The following CCDC186 variants were observed in gnomAD, a reference collection of about 807,000 sequenced individuals.
CCDC186 encodes coiled-coil domain containing 186, also known as coiled-coil domain-containing protein 186.
In CCDC186, 49 loss-of-function variants were observed where a neutral mutation model predicts 113.7. That is an observed-to-expected ratio of 0.43 (90% CI 0.34 to 0.55). The LOEUF is 0.55. CCDC186 is among the 20% of genes least tolerant of loss of function. CCDC186 has a pLI of 0.02. For synonymous variants in CCDC186, 355 were observed against 345.8 expected (o/e 1.03, Z -0.30); for missense variants, 890 against 1,011.1 (o/e 0.88, Z 1.62).
rs1177805840 is a variant in CCDC186 at position 114,122,340 on chromosome 10, A to G, written c.*2803T>C. On this transcript the variant is annotated 3_prime_UTR_variant, in exon 16 of 16. Transcript: ENST00000369287. ...AAAGTAAAAACAAAAAAACCCCATC[A>G]AAGTTCAAATTCATTCTTCTGCCCA... The G allele has an allele frequency of 3.3e-5, 5 of 152,226 alleles. No homozygotes were observed. Among genetic ancestry groups the G allele is most frequent in the African/African-American group, 1.2e-4 (5 of 41,452 alleles). 9.4% of individuals were successfully genotyped at this position (152,226 alleles called of 1,614,324 possible).
rs1471068637 is a variant in CCDC186 at position 114,174,046 on chromosome 10, A to G, written c.-93T>C. The G allele has an allele frequency of 2.1e-6, 1 of 471,894 alleles. No individual in the cohort carries two copies. Among genetic ancestry groups the G allele is most frequent in the Non-Finnish European group, 4.4e-6 (1 of 227,068 alleles). The allele number at this position is 471,894 out of a possible 1,614,324, so 29.2% of individuals were successfully genotyped here. On this transcript the variant is annotated 5_prime_UTR_variant, in exon 1 of 16. Transcript: ENST00000369287. ...TATCCAAGCCTCAGGCCACGCCCTAACAAGGCTGCTGGAGCTCTGGCTCAG... is the reference window on the plus strand; with the variant it reads ...TATCCAAGCCTCAGGCCACGCCCTAGCAAGGCTGCTGGAGCTCTGGCTCAG...
rs561775449 is a variant in CCDC186, at chr10:114,138,154, T to C, written c.1222-864A>G. Among the ~76,000 whole-genome samples the C allele has an allele frequency of 8.7e-3, 1,226 of 140,624 alleles. 19 individuals carry two copies. Among genetic ancestry groups the C allele is most frequent in the African/African-American group, 0.03 (1,145 of 38,600 alleles). The allele number at this position is 140,624 out of a possible 152,430, so 92.3% of individuals were successfully genotyped here. A position where few individuals can be genotyped will look rare whatever the true frequency, so the allele number is the denominator to read the frequency against. On this transcript the variant is annotated intron_variant, in intron 6 of 15. Transcript: ENST00000369287. ...ACTCGGGAGGCTGAGGCAGGAGAAT[T>C]GTTTGAACCCAGGAGGCAGCAGTTG...
At chr10:114,157,467 C>T (rs1029910346) in intron 3 of CCDC186, 87 bp downstream of exon 3, 1 of 1,275,028 alleles carries the variant, frequency 7.8e-7, no homozygotes. Flanking sequence ...GCTACGATTA[C>T]AGGCATGAGC....
intron 9 of CCDC186, 77 bp from the exon 10 acceptor site, chr10:114,135,132 T>A: frequency 7.4e-7 from 1 of 1,354,184 alleles, no homozygotes; most frequent in Non-Finnish European, 9.7e-7. Flanking sequence ...TGGTTACATA[T>A]GAATAATCTA....
intron 4 of CCDC186, among the ~76,000 whole-genome samples, chr10:114,148,166 T>C (rs945732571): frequency 2.6e-5 from 4 of 152,018 alleles, no homozygotes; most frequent in African/African-American, 9.7e-5. Context: ...GAGTCTTCAC[T>C]ATAGCAGGGA....
At position 114,157,363 on chromosome 10, in the gene CCDC186, T is replaced by C. The variant is rs1053032987; in HGVS notation, c.759+191A>G. Among the ~76,000 whole-genome samples, 5 of 150,814 alleles carry C rather than the reference T, an allele frequency of 3.3e-5. No homozygotes were observed. The East Asian group carries it at 7.8e-4, about 23-fold the overall frequency. On this transcript the variant is annotated intron_variant, in intron 3 of 15. Coordinates refer to ENST00000369287, the MANE Select transcript of CCDC186 (RefSeq NM_018017.4). ...CATATGCAGCTAATTTTCTATTTTTTTTTTTTTTTGTAGAGACAGGGTTTC... is the reference window on the plus strand; with the variant it reads ...CATATGCAGCTAATTTTCTATTTTTCTTTTTTTTTGTAGAGACAGGGTTTC...
At chr10:114,173,376 G>T in intron 1 of CCDC186, 1 of 312,782 alleles carries the variant, frequency 3.2e-6, no homozygotes, top group African/African-American at 2.2e-5. Context: ...ACACGTAGAA[G>T]GGTTTTTGTT....
intron 13 of CCDC186, 101 bp downstream of exon 13, chr10:114,129,790 A>C: frequency 9.9e-7 from 1 of 1,010,364 alleles, no homozygotes; most frequent in Non-Finnish European, 1.5e-6. Flanking sequence ...TCGTCCTCCC[A>C]AAGTGCTGGG....
At chr10:114,171,995 G>A (rs1156879831) in intron 1 of CCDC186, among the ~76,000 whole-genome samples, 1 of 152,072 alleles carries the variant, frequency 6.6e-6, no homozygotes, top group African/African-American at 2.4e-5. Flanking sequence ...AATTATCTAT[G>A]ATCTCACTGC....
At chr10:114,167,001 T>C (rs546798235) in intron 1 of CCDC186, among the ~76,000 whole-genome samples, 3 of 151,700 alleles carry the variant, frequency 2.0e-5, no homozygotes, top group Non-Finnish European at 4.4e-5. Context: ...GATAACTACT[T>C]AGCTTGCAAG....
chr10:114,143,396 G>A (rs538619508), intron 6 of CCDC186, among the ~76,000 whole-genome samples: 2 of 152,310 alleles, frequency 1.3e-5, no homozygotes, highest in South Asian at 4.1e-4. Flanking sequence ...TCAGGTAGTT[G>A]AGAATCATTA....
chr10:114,160,914 A>C (rs1325758396), intron 2 of CCDC186, among the ~76,000 whole-genome samples: 1 of 152,242 alleles, frequency 6.6e-6, no homozygotes, highest in African/African-American at 2.4e-5. Flanking sequence ...CATTTGTGTA[A>C]TGTCCTAATG....
chr10:114,170,746 T>C (rs1219608896), intron 1 of CCDC186, among the ~76,000 whole-genome samples: 3 of 152,140 alleles, frequency 2.0e-5, no homozygotes, highest in Non-Finnish European at 4.4e-5. Context: ...TGTGGGGGTA[T>C]GTTTAGCTTT....
At chr10:114,140,281 T>G (rs2031425202) in intron 6 of CCDC186, among the ~76,000 whole-genome samples, 1 of 152,164 alleles carries the variant, frequency 6.6e-6, no homozygotes, top group Non-Finnish European at 1.5e-5. Context: ...ATTGAGAAGG[T>G]GCTAGGTGAG....
At chr10:114,156,685 C>A (rs1248326590) in intron 3 of CCDC186, among the ~76,000 whole-genome samples, 2 of 152,074 alleles carry the variant, frequency 1.3e-5, no homozygotes, top group Non-Finnish European at 2.9e-5. Context: ...TGAGATTGTG[C>A]CACTGAATTC....
At chr10:114,154,304 C>T (rs1291069098) in intron 3 of CCDC186, among the ~76,000 whole-genome samples, 2 of 149,778 alleles carry the variant, frequency 1.3e-5, no homozygotes, top group East Asian at 3.9e-4. Context: ...AACTGACAAA[C>T]CTTTAGCTGG....
chr10:114,159,154 G>A (rs777184565), intron 2 of CCDC186, among the ~76,000 whole-genome samples: 3 of 152,140 alleles, frequency 2.0e-5, no homozygotes, highest in Non-Finnish European at 4.4e-5. Flanking sequence ...TGGAAAAAAG[G>A]CAAATATATG....
At position 114,131,231 on chromosome 10, in the gene CCDC186, C is replaced by A. The variant is rs775793063; in HGVS notation, c.2017G>T (p.Val673Leu). ...QTEVKALSTQ[V>L]EELKDELVTQ... is the part of the protein sequence containing the mutation. Reference sequence around the variant, plus strand: ...ACTAACTCATCTTTTAATTCTTCTACCTGGGTACTCAATGCTTTAACTTCT... The same window carrying A: ...ACTAACTCATCTTTTAATTCTTCTAACTGGGTACTCAATGCTTTAACTTCT... The change falls in exon 12 of 16, where the codon GTA (valine) becomes TTA (leucine). Residue 673 changes from valine (V) to leucine (L), a missense_variant. Val to Leu is a conservative substitution (Grantham distance 32). Transcript: ENST00000369287. The A allele has an allele frequency of 1.0e-5, 16 of 1,601,804 alleles. No individual in the cohort carries two copies. Among genetic ancestry groups the A allele is most frequent in the South Asian group, 3.4e-5 (3 of 88,908 alleles).
At chr10:114,143,373 A>AT (rs2031537845) in intron 6 of CCDC186, among the ~76,000 whole-genome samples, 1 of 152,202 alleles carries the variant, frequency 6.6e-6, no homozygotes, top group Non-Finnish European at 1.5e-5. Flanking sequence ...TGATGTTCTG[A>AT]TCTTGAAGCA....
Sources: allele counts gnomAD v4.1 joint callset (sites outside exome capture counted in the v4.1 genomes callset), GRCh38; gene constraint gnomAD v4.1.1; transcripts MANE v1.5; gene names NCBI Gene and HGNC (gene_info 2026-07-23, HGNC 2026-07-21).